Variants in SPRED1 observed in about 807,000 individuals in gnomAD.
The protein encoded by SPRED1 is sprouty related EVH1 domain containing 1.
In SPRED1, 18 loss-of-function variants were observed where a neutral mutation model predicts 52.3. The observed-to-expected ratio is 0.34, with a 90% CI of 0.24 to 0.51. The LOEUF (loss-of-function observed/expected upper bound fraction) is 0.51. SPRED1 is among the 20% of genes least tolerant of loss of function. The pLI, the probability that SPRED1 is intolerant of heterozygous loss-of-function variation, is 0.97. For synonymous variants in SPRED1, 155 were observed against 179.7 expected (o/e 0.86, Z 1.10); for missense variants, 485 against 551.0 (o/e 0.88, Z 1.20).
intron 1 of SPRED1, among the ~76,000 whole-genome samples, chr15:38,262,821 G>A (rs1482105751): frequency 1.3e-5 from 2 of 152,212 alleles, no homozygotes; most frequent in Non-Finnish European, 2.9e-5. Flanking sequence ...ACACCGAAGA[G>A]TTGAAAGAAA....
At position 38,272,603 on chromosome 15, in the gene SPRED1, A is replaced by G. The variant is rs373299886; in HGVS notation, c.32+19386A>G. Among the ~76,000 whole-genome samples the G allele has an allele frequency of 4.6e-5, 7 of 152,074 alleles. No homozygotes were observed. The East Asian group carries it at 5.8e-4, about 13-fold the overall frequency. ...TAGTTTGGTTTTAAGTTATTTGAGA[A>G]ATCTCCAAACTGCTCTCCACAGTGG... On this transcript the variant is annotated intron_variant, in intron 1 of 6. Transcript: ENST00000299084.
intron 1 of SPRED1, among the ~76,000 whole-genome samples, chr15:38,289,540 G>T (rs1894878605): frequency 6.6e-6 from 1 of 152,068 alleles, no homozygotes; most frequent in Admixed American, 6.6e-5. Flanking sequence ...TTAAGTTTGT[G>T]AGCTTTGATA....
At chr15:38,347,315 C>G (rs1442624095) in intron 5 of SPRED1, among the ~76,000 whole-genome samples, 2 of 152,074 alleles carry the variant, frequency 1.3e-5, no homozygotes, top group Non-Finnish European at 2.9e-5. Context: ...TCTGACACAT[C>G]AATTCTCTAT....
intron 1 of SPRED1, among the ~76,000 whole-genome samples, chr15:38,259,129 C>T (rs1339665968): frequency 6.6e-6 from 1 of 152,078 alleles, no homozygotes; most frequent in East Asian, 1.9e-4. Context: ...GCATTTTGAA[C>T]AATTAAGATA....
intron 1 of SPRED1, among the ~76,000 whole-genome samples, chr15:38,283,286 T>A (rs1485491232): frequency 6.6e-6 from 1 of 152,048 alleles, no homozygotes; most frequent in African/African-American, 2.4e-5. Context: ...AAGAACAGCT[T>A]GGGGGAAACC....
At chr15:38,313,319 A>T (rs1416052276) in intron 2 of SPRED1, among the ~76,000 whole-genome samples, 1 of 151,920 alleles carries the variant, frequency 6.6e-6, no homozygotes, top group Admixed American at 6.6e-5. Context: ...TGTAAAATGG[A>T]GCAGTGCCTC....
At chr15:38,297,812 A>G (rs1895069479) in intron 1 of SPRED1, among the ~76,000 whole-genome samples, 1 of 152,186 alleles carries the variant, frequency 6.6e-6, no homozygotes, top group African/African-American at 2.4e-5. Flanking sequence ...TACATTTATT[A>G]TAAGTGAGTG....
At chr15:38,331,106 C>T (rs1299147373) in intron 4 of SPRED1, among the ~76,000 whole-genome samples, 1 of 152,100 alleles carries the variant, frequency 6.6e-6, no homozygotes, top group Non-Finnish European at 1.5e-5. Context: ...AAAAGCTAGG[C>T]ACTTATCAAC....
At chr15:38,333,526 A>G (rs992231379) in intron 4 of SPRED1, among the ~76,000 whole-genome samples, 3 of 152,184 alleles carry the variant, frequency 2.0e-5, no homozygotes, top group East Asian at 1.9e-4. Context: ...TCTTATTCAC[A>G]TAAGGAAAGC....
chr15:38,345,081 T>C (rs955205534), intron 5 of SPRED1, among the ~76,000 whole-genome samples: 11 of 152,202 alleles, frequency 7.2e-5, no homozygotes, highest in African/African-American at 2.7e-4. Flanking sequence ...TTTCCATTTG[T>C]ATGTGACCAA....
intron 4 of SPRED1, among the ~76,000 whole-genome samples, chr15:38,330,143 T>C (rs1895779808): frequency 6.6e-6 from 1 of 152,172 alleles, no homozygotes; most frequent in Non-Finnish European, 1.5e-5. Context: ...TCTGCAAACC[T>C]AATACCACAT....
At chr15:38,256,954 T>C (rs2140946114) in intron 1 of SPRED1, among the ~76,000 whole-genome samples, 1 of 152,100 alleles carries the variant, frequency 6.6e-6, no homozygotes, top group Admixed American at 6.5e-5. Context: ...TTGCTTATTA[T>C]TCAGTTGGCC....
chr15:38,335,019 T>G (rs150427669), intron 4 of SPRED1, among the ~76,000 whole-genome samples: 1 of 152,090 alleles, frequency 6.6e-6, no homozygotes, highest in Non-Finnish European at 1.5e-5. Context: ...TCCTAGTTAG[T>G]ATATAAAAAT....
At chr15:38,297,619 A>G (rs1191173674) in intron 1 of SPRED1, among the ~76,000 whole-genome samples, 1 of 152,254 alleles carries the variant, frequency 6.6e-6, no homozygotes, top group Non-Finnish European at 1.5e-5. Flanking sequence ...CAGAGTTTCT[A>G]TATAAAGAAT....
chr15:38,312,269 A>T (rs1034256330), intron 2 of SPRED1, among the ~76,000 whole-genome samples: 7 of 152,150 alleles, frequency 4.6e-5, no homozygotes, highest in Non-Finnish European at 8.8e-5. Context: ...CATCAACATT[A>T]TATGAGCCCA....
At chr15:38,305,972 T>G (rs554152691) in intron 2 of SPRED1, among the ~76,000 whole-genome samples, 1 of 152,272 alleles carries the variant, frequency 6.6e-6, no homozygotes, top group East Asian at 1.9e-4. Context: ...ATATCTTTCC[T>G]GCAAATAAGG....
chr15:38,317,461 C>T (rs1895510322), intron 2 of SPRED1, among the ~76,000 whole-genome samples: 1 of 151,876 alleles, frequency 6.6e-6, no homozygotes, highest in Admixed American at 6.6e-5. Context: ...TTTTTAATCT[C>T]TTGTCAAAGA....
intron 1 of SPRED1, among the ~76,000 whole-genome samples, chr15:38,287,856 C>T (rs1217689389): frequency 2.2e-5 from 1 of 46,176 alleles, no homozygotes; most frequent in Non-Finnish European, 7.5e-5. Context: ...ACACAGATAC[C>T]GAGGAACAAC....
intron 4 of SPRED1, among the ~76,000 whole-genome samples, chr15:38,328,937 A>G (rs2140999649): frequency 6.6e-6 from 1 of 152,196 alleles, no homozygotes; most frequent in African/African-American, 2.4e-5. Context: ...GCTGGTCTCA[A>G]ACTCCTGGGC....
Sources: allele counts gnomAD v4.1 joint callset (sites outside exome capture counted in the v4.1 genomes callset), GRCh38; gene constraint gnomAD v4.1.1; transcripts MANE v1.5; gene names NCBI Gene and HGNC (gene_info 2026-07-23, HGNC 2026-07-21).